Variants in CCSER1 observed in about 807,000 individuals in gnomAD.
CCSER1 encodes coiled-coil serine rich protein 1, also known as serine-rich coiled-coil domain-containing protein 1.
A neutral mutation model predicts 82.0 loss-of-function variants in CCSER1; 41 were observed. The observed-to-expected ratio is 0.50, with a 90% CI of 0.39 to 0.65. The LOEUF is 0.65. CCSER1 is among the 30% of genes least tolerant of loss of function. The pLI, the probability that CCSER1 is intolerant of heterozygous loss-of-function variation, is 0.00. For missense variants in CCSER1, 1,119 were observed against 1,064.2 expected, an observed-to-expected ratio of 1.05 and a Z score of -0.72; for synonymous variants, 414 against 383.9, an observed-to-expected ratio of 1.08 and a Z score of -0.92.
rs141536781 is a variant in CCSER1 at position 91,175,025 on chromosome 4, G to A, written c.2217+89031G>A. On this transcript the variant is annotated intron_variant, in intron 10 of 10. Coordinates refer to ENST00000509176, the MANE Select transcript of CCSER1 (RefSeq NM_001145065.2). ...GTGTGATGTTCCCCATCCTGTGTCC[G>A]AGTGTTCTCATTGGTCAATTCCCAC... Among the ~76,000 whole-genome samples the A allele has an allele frequency of 8.2e-3, 1,251 of 152,038 alleles. 13 individuals are homozygous for A. Among genetic ancestry groups the A allele is most frequent in the African/African-American group, 0.028 (1,178 of 41,472 alleles).
At chr4:91,044,977 A>G (rs1461502062) in intron 9 of CCSER1, among the ~76,000 whole-genome samples, 1 of 152,158 alleles carries the variant, frequency 6.6e-6, no homozygotes, top group East Asian at 1.9e-4. Context: ...AAAAGAACTT[A>G]TTGGCTCTAC....
intron 1 of CCSER1, among the ~76,000 whole-genome samples, chr4:90,199,870 G>T (rs561515695): frequency 1.3e-5 from 2 of 151,892 alleles, no homozygotes; most frequent in Non-Finnish European, 2.9e-5. Flanking sequence ...CTTGATATTT[G>T]CTTCTCACAG....
intron 4 of CCSER1, among the ~76,000 whole-genome samples, chr4:90,417,096 C>T (rs1251905229): frequency 6.6e-6 from 1 of 152,116 alleles, no homozygotes; most frequent in Non-Finnish European, 1.5e-5. Context: ...ATACCTAATG[C>T]ATTCAGGGCT....
At chr4:90,484,667 G>A (rs1766687414) in intron 5 of CCSER1, among the ~76,000 whole-genome samples, 1 of 152,200 alleles carries the variant, frequency 6.6e-6, no homozygotes, top group South Asian at 2.1e-4. Context: ...GGTATCAGCA[G>A]CGGTGGCTGC....
intron 10 of CCSER1, among the ~76,000 whole-genome samples, chr4:91,415,939 C>A (rs1438356336): frequency 6.6e-6 from 1 of 151,928 alleles, no homozygotes; most frequent in Non-Finnish European, 1.5e-5. Flanking sequence ...TCAGGAGTCC[C>A]TCATTTTCAA....
intron 10 of CCSER1, among the ~76,000 whole-genome samples, chr4:91,172,423 C>T (rs1732858641): frequency 6.6e-6 from 1 of 152,152 alleles, no homozygotes; most frequent in African/African-American, 2.4e-5. Flanking sequence ...GGCCCAGAAA[C>T]CTGAAAGCTC....
chr4:91,288,359 C>T (rs2149215039), intron 10 of CCSER1, among the ~76,000 whole-genome samples: 1 of 151,854 alleles, frequency 6.6e-6, no homozygotes, highest in South Asian at 2.1e-4. Flanking sequence ...CTAACCTGTA[C>T]ATAAGTAAAG....
intron 10 of CCSER1, among the ~76,000 whole-genome samples, chr4:91,475,082 G>T (rs1397507204): frequency 6.6e-6 from 1 of 151,760 alleles, no homozygotes; most frequent in Non-Finnish European, 1.5e-5. Flanking sequence ...GAATCATAGA[G>T]TCTCTACTGT....
At chr4:90,275,178 G>A (rs867252443) in intron 1 of CCSER1, among the ~76,000 whole-genome samples, 1 of 152,240 alleles carries the variant, frequency 6.6e-6, no homozygotes, top group Middle Eastern at 3.4e-3. Flanking sequence ...CTCATAATCA[G>A]TTAGCAGATT....
At chr4:90,956,593 A>G (rs2150364280) in intron 9 of CCSER1, among the ~76,000 whole-genome samples, 1 of 152,302 alleles carries the variant, frequency 6.6e-6, no homozygotes, top group South Asian at 2.1e-4. Flanking sequence ...TATATGAGAC[A>G]TAGAGAAAAG....
intron 9 of CCSER1, among the ~76,000 whole-genome samples, chr4:90,967,491 C>A (rs977156942): frequency 3.3e-5 from 5 of 151,766 alleles, no homozygotes; most frequent in African/African-American, 9.7e-5. Context: ...GCTGGGACAA[C>A]AATATATCCA....
intron 9 of CCSER1, among the ~76,000 whole-genome samples, chr4:91,060,102 A>G (rs2148733179): frequency 6.6e-6 from 1 of 152,122 alleles, no homozygotes; most frequent in African/African-American, 2.4e-5. Context: ...ATTTACTAAC[A>G]TTTGTTTAGC....
intron 1 of CCSER1, among the ~76,000 whole-genome samples, chr4:90,148,398 A>T (rs927091372): frequency 1.3e-5 from 2 of 152,164 alleles, no homozygotes; most frequent in Non-Finnish European, 2.9e-5. Context: ...TCAAGAAAAA[A>T]ATTGTACAGT....
At chr4:90,651,555 G>A (rs1222860968) in intron 6 of CCSER1, among the ~76,000 whole-genome samples, 1 of 152,156 alleles carries the variant, frequency 6.6e-6, no homozygotes, top group Non-Finnish European at 1.5e-5. Flanking sequence ...GGGGGATAGG[G>A]GAGGGATAGC....
intron 10 of CCSER1, among the ~76,000 whole-genome samples, chr4:91,581,970 A>C (rs1373343211): frequency 1.3e-5 from 2 of 151,650 alleles, no homozygotes; most frequent in Non-Finnish European, 3.0e-5. Flanking sequence ...CTCATACATT[A>C]TTTCTTTCTT....
chr4:90,592,021 C>T (rs779648038), intron 5 of CCSER1, among the ~76,000 whole-genome samples: 15 of 151,932 alleles, frequency 9.9e-5, no homozygotes, highest in East Asian at 1.9e-4. Context: ...ACATTACACA[C>T]GGGGGTCTGT....
chr4:90,885,761 A>G (rs1345250056), intron 8 of CCSER1, among the ~76,000 whole-genome samples: 1 of 152,206 alleles, frequency 6.6e-6, no homozygotes, highest in Non-Finnish European at 1.5e-5. Flanking sequence ...TGCTGAATTT[A>G]TCAGATACAT....
At chr4:90,468,455 A>C in intron 5 of CCSER1, 101 bp downstream of exon 5, 1 of 1,056,596 alleles carries the variant, frequency 9.5e-7, no homozygotes, top group Admixed American at 3.1e-5. Flanking sequence ...GTATAAAGAA[A>C]GAAGAAATAA....
intron 1 of CCSER1, among the ~76,000 whole-genome samples, chr4:90,189,280 A>G (rs1735187579): frequency 6.6e-6 from 1 of 152,002 alleles, no homozygotes; most frequent in African/African-American, 2.4e-5. Context: ...GTCTATTACA[A>G]GTACAATACA....
Sources: allele counts gnomAD v4.1 joint callset (sites outside exome capture counted in the v4.1 genomes callset), GRCh38; gene constraint gnomAD v4.1.1; transcripts MANE v1.5; gene names NCBI Gene and HGNC (gene_info 2026-07-23, HGNC 2026-07-21).